Variants in RAB3GAP1 observed in about 807,000 individuals in gnomAD.
RAB3GAP1 encodes rab3 GTPase-activating protein catalytic subunit.
Under a neutral mutation model 130.7 loss-of-function variants are expected in RAB3GAP1, and 86 were observed. That is an observed-to-expected ratio of 0.66 (90% CI 0.55 to 0.79). The LOEUF (loss-of-function observed/expected upper bound fraction) is 0.79, where lower values mean the gene tolerates loss of function less well. RAB3GAP1 is among the 30% of genes least tolerant of loss of function. The pLI, the probability that RAB3GAP1 is intolerant of heterozygous loss-of-function variation, is 0.00. For missense variants in RAB3GAP1, 1,029 were observed against 1,169.4 expected (o/e 0.88, Z 1.75); for synonymous variants, 367 against 401.7 (o/e 0.91, Z 1.03).
At chr2:135,103,224 A>AT (rs1194791874) in intron 5 of RAB3GAP1, among the ~76,000 whole-genome samples, 1 of 151,414 alleles carries the variant, frequency 6.6e-6, no homozygotes, top group African/African-American at 2.4e-5. Context: ...TTTAGTAGAG[A>AT]TGGGGTTTCA....
chr2:135,062,579 G>A (rs1005816829), intron 3 of RAB3GAP1, among the ~76,000 whole-genome samples: 5 of 152,218 alleles, frequency 3.3e-5, no homozygotes, highest in African/African-American at 9.6e-5. Flanking sequence ...GTATGATTAT[G>A]CTGAGACTGT....
At chr2:135,126,692 T>C in intron 11 of RAB3GAP1, 36 bp downstream of exon 11, 1 of 1,522,740 alleles carries the variant, frequency 6.6e-7, no homozygotes, top group Non-Finnish European at 9.1e-7. Context: ...GAAATACTGC[T>C]GATCTGCCTA....
intron 17 of RAB3GAP1, among the ~76,000 whole-genome samples, chr2:135,146,787 C>T (rs774224481): frequency 2.6e-5 from 4 of 152,090 alleles, no homozygotes; most frequent in South Asian, 2.1e-4. Flanking sequence ...GAGATTCACA[C>T]GTATTGTATG....
chr2:135,140,766 G>A (rs1691815963), intron 17 of RAB3GAP1, among the ~76,000 whole-genome samples: 1 of 152,188 alleles, frequency 6.6e-6, no homozygotes, highest in South Asian at 2.1e-4. Context: ...CATAAAGAAA[G>A]TAGGTGTTTA....
chr2:135,129,269 A>G (rs1044812643), intron 11 of RAB3GAP1, among the ~76,000 whole-genome samples: 1 of 151,730 alleles, frequency 6.6e-6, no homozygotes. Flanking sequence ...TGGCTAACAC[A>G]GTGAAACCCC....
In RAB3GAP1 at chr2:135,133,955, T is replaced by G; in HGVS notation, c.1421T>G (p.Leu474Trp). 1 of 1,613,970 alleles carries G rather than the reference T, an allele frequency of 6.2e-7. No individual in the cohort carries two copies. Among genetic ancestry groups the G allele is most frequent in the Non-Finnish European group, 8.5e-7 (1 of 1,179,842 alleles). Residue 474 changes from leucine to tryptophan, a missense_variant, in exon 15 of 24, where the codon TTG becomes TGG. Around this residue, in one of 3 missense-constraint regions of RAB3GAP1, gnomAD observed 373 missense variants for 493.6 expected, o/e 0.76. Coordinates refer to ENST00000264158, the MANE Select transcript of RAB3GAP1 (RefSeq NM_012233.3). ...LCMINFYHGG[L>W]KGVAHLWQEF... ...ATGATCAATTTTTACCATGGAGGGT[T>G]GAAAGGAGTGGCACACCTCTGGCAG...
chr2:135,126,438 C>T (rs1221158100), intron 10 of RAB3GAP1, 145 bp from the exon 11 acceptor site: 4 of 908,910 alleles, frequency 4.4e-6, no homozygotes, highest in Non-Finnish European at 7.0e-6. Context: ...CCAAATGGCT[C>T]CATGTATCTG....
chr2:135,081,361 T>TATATATATATACATAC (rs1216831944), intron 3 of RAB3GAP1, among the ~76,000 whole-genome samples: 1 of 71,270 alleles, frequency 1.4e-5, no homozygotes, highest in Non-Finnish European at 2.3e-5. Flanking sequence ...TATATATATA[T>TATATATATATACATAC]ACACACACGT....
intron 4 of RAB3GAP1, among the ~76,000 whole-genome samples, chr2:135,091,733 C>T (rs1231722955): frequency 6.6e-6 from 1 of 152,094 alleles, no homozygotes; most frequent in Non-Finnish European, 1.5e-5. Context: ...AGAAATTGTA[C>T]ATAAGCAAGT....
intron 5 of RAB3GAP1, among the ~76,000 whole-genome samples, chr2:135,100,092 T>C (rs531165609): frequency 2.0e-5 from 3 of 152,288 alleles, no homozygotes; most frequent in African/African-American, 7.2e-5. Flanking sequence ...GGACATAGCC[T>C]AATCTGGATG....
At chr2:135,077,955 G>A (rs1689677265) in intron 3 of RAB3GAP1, among the ~76,000 whole-genome samples, 1 of 152,114 alleles carries the variant, frequency 6.6e-6, no homozygotes, top group African/African-American at 2.4e-5. Context: ...AATCCCTTAT[G>A]TGATATATGA....
intron 7 of RAB3GAP1, among the ~76,000 whole-genome samples, chr2:135,117,585 TCTTCTTCTGCTGCTTCTTCTG>T (rs1574126568): frequency 9.2e-5 from 12 of 130,426 alleles, no homozygotes; most frequent in South Asian, 7.6e-4. Flanking sequence ...TTCTTCTGCT[TCTTCTTCTGCTGCTTCTTCTG>T]CTTCTTCTGC....
chr2:135,129,709 T>C (rs1691475912), intron 11 of RAB3GAP1, among the ~76,000 whole-genome samples: 1 of 152,170 alleles, frequency 6.6e-6, no homozygotes, highest in Non-Finnish European at 1.5e-5. Context: ...TGTGTCTCAT[T>C]GAGGCATATA....
chr2:135,063,308 A>G (rs1408097884), intron 3 of RAB3GAP1, among the ~76,000 whole-genome samples: 1 of 152,202 alleles, frequency 6.6e-6, no homozygotes, highest in African/African-American at 2.4e-5. Context: ...TATGTTGATT[A>G]AAAATTTTTT....
At chr2:135,123,992 G>A in intron 8 of RAB3GAP1, 173 bp from the exon 9 acceptor site, 1 of 609,044 alleles carries the variant, frequency 1.6e-6, no homozygotes, top group Non-Finnish European at 2.9e-6. Flanking sequence ...AACATTCTCT[G>A]GGGAAGTCAA....
At chr2:135,148,296 C>G (rs553376770) in intron 17 of RAB3GAP1, among the ~76,000 whole-genome samples, 1 of 152,222 alleles carries the variant, frequency 6.6e-6, no homozygotes, top group African/African-American at 2.4e-5. Context: ...TCAGTTGCCT[C>G]TTCACTGAAA....
intron 2 of RAB3GAP1, among the ~76,000 whole-genome samples, chr2:135,057,012 T>C (rs558368108): frequency 1.3e-5 from 2 of 152,308 alleles, no homozygotes; most frequent in East Asian, 3.9e-4. Context: ...ATACTTAGCT[T>C]ATATAAGAAG....
intron 3 of RAB3GAP1, among the ~76,000 whole-genome samples, chr2:135,074,987 C>T (rs1689587991): frequency 1.3e-5 from 2 of 152,150 alleles, no homozygotes; most frequent in Non-Finnish European, 2.9e-5. Flanking sequence ...TCTCCCCCAC[C>T]TGGGACCCCT....
At chr2:135,069,232 T>C (rs1689403596) in intron 3 of RAB3GAP1, among the ~76,000 whole-genome samples, 2 of 152,222 alleles carry the variant, frequency 1.3e-5, no homozygotes, top group Admixed American at 1.3e-4. Flanking sequence ...TTGTATAAGA[T>C]ATGCAGTGTA....
Sources: allele counts gnomAD v4.1 joint callset (sites outside exome capture counted in the v4.1 genomes callset), GRCh38; gene constraint gnomAD v4.1.1; regional missense constraint gnomAD v4.1.1; transcripts MANE v1.5; gene names NCBI Gene and HGNC (gene_info 2026-07-23, HGNC 2026-07-21).